Variants in CTNND2 observed in about 807,000 individuals in gnomAD.
The protein encoded by CTNND2 is catenin delta 2.
In CTNND2, 22 loss-of-function variants were observed where a neutral mutation model predicts 144.4. The ratio of observed to expected loss-of-function variants is 0.15; its 90% CI spans 0.11 to 0.22. CTNND2 has a LOEUF of 0.22. Ranked by LOEUF, CTNND2 falls within the 10% of genes least tolerant of loss-of-function variation. The pLI is 1.00. For synonymous variants in CTNND2, 751 were observed against 695.6 expected, an observed-to-expected ratio of 1.08 and a Z score of -1.25; for missense variants, 1,353 against 1,618.8, an observed-to-expected ratio of 0.84 and a Z score of 2.82.
chr5:11,172,680 C>T (rs879282608), intron 11 of CTNND2, among the ~76,000 whole-genome samples: 4 of 152,106 alleles, frequency 2.6e-5, no homozygotes, highest in Non-Finnish European at 5.9e-5. Flanking sequence ...ATGGAGAGCG[C>T]CAATGGGGAG....
At chr5:11,132,967 C>T (rs542680964) in intron 12 of CTNND2, among the ~76,000 whole-genome samples, 16 of 117,758 alleles carry the variant, frequency 1.4e-4, no homozygotes, top group African/African-American at 3.8e-4. Context: ...TTAGAAAATC[C>T]GGACTCCAGT....
chr5:11,633,518 C>T (rs1003948215), intron 2 of CTNND2, among the ~76,000 whole-genome samples: 14 of 152,210 alleles, frequency 9.2e-5, no homozygotes, highest in African/African-American at 2.9e-4. Flanking sequence ...TGGCTCATGC[C>T]GGTAATCCCT....
chr5:11,793,192 T>C (rs1447642205), intron 1 of CTNND2, among the ~76,000 whole-genome samples: 1 of 152,192 alleles, frequency 6.6e-6, no homozygotes, highest in African/African-American at 2.4e-5. Context: ...ACTCTTCACA[T>C]AGGCCCAACA....
intron 9 of CTNND2, among the ~76,000 whole-genome samples, chr5:11,307,594 T>C (rs1750378578): frequency 6.6e-6 from 1 of 152,174 alleles, no homozygotes. Context: ...GATCATCTTA[T>C]GCTCATTTTA....
Position 11,348,159 on chromosome 5 carries a change from A to G in CTNND2, c.1373-1532T>C, listed in dbSNP as rs148028023. Among the ~76,000 whole-genome samples the G allele has an allele frequency of 1.4e-4, 22 of 152,350 alleles. No homozygotes were observed. In the East Asian group the frequency reaches 3.7e-3, roughly 25 times the overall value. ...GGTTGTCCTGATGTGTTAAGTCTCA[A>G]AATAATCAGATTAGGCTAATAAACA... On this transcript the variant is annotated intron_variant, in intron 8 of 21. Transcript: ENST00000304623.
At chr5:11,323,179 C>CA (rs1752202147) in intron 9 of CTNND2, among the ~76,000 whole-genome samples, 1 of 147,560 alleles carries the variant, frequency 6.8e-6, no homozygotes, top group Non-Finnish European at 1.5e-5. Flanking sequence ...GCCAGGACTA[C>CA]AGTGTGCACC....
chr5:11,608,540 C>G (rs1229065975), intron 2 of CTNND2, among the ~76,000 whole-genome samples: 1 of 152,156 alleles, frequency 6.6e-6, no homozygotes, highest in Non-Finnish European at 1.5e-5. Flanking sequence ...AGAACAGCCT[C>G]TTTCCCCCTA....
intron 18 of CTNND2, among the ~76,000 whole-genome samples, chr5:11,015,135 G>T (rs1741474829): frequency 6.6e-6 from 1 of 152,184 alleles, no homozygotes; most frequent in Non-Finnish European, 1.5e-5. Context: ...ATAATTAAAA[G>T]ATATGGATCA....
At chr5:11,647,951 T>C (rs900285913) in intron 2 of CTNND2, among the ~76,000 whole-genome samples, 4 of 152,206 alleles carry the variant, frequency 2.6e-5, no homozygotes, top group Non-Finnish European at 4.4e-5. Context: ...CGGACAGACA[T>C]AGACAAAGGA....
chr5:11,117,592 C>A, intron 12 of CTNND2, 25 bp from the exon 13 acceptor site: 1 of 1,566,954 alleles, frequency 6.4e-7, no homozygotes, highest in Non-Finnish European at 8.8e-7. Context: ...GACACGTCAG[C>A]GATCTTCACG....
intron 3 of CTNND2, among the ~76,000 whole-genome samples, chr5:11,474,425 G>A (rs1223014117): frequency 6.6e-6 from 1 of 152,098 alleles, no homozygotes; most frequent in Admixed American, 6.5e-5. Flanking sequence ...AAGAATCAAG[G>A]TTTAAAAATG....
chr5:11,357,124 C>T (rs1423232707), intron 8 of CTNND2, among the ~76,000 whole-genome samples: 1 of 151,982 alleles, frequency 6.6e-6, no homozygotes, highest in Non-Finnish European at 1.5e-5. Context: ...ATGTTGGTTC[C>T]TCAAAAAATT....
chr5:11,871,295 C>T (rs1735097984), intron 1 of CTNND2, among the ~76,000 whole-genome samples: 1 of 152,158 alleles, frequency 6.6e-6, no homozygotes, highest in African/African-American at 2.4e-5. Context: ...GTTTACATGG[C>T]TTAGTCTGTA....
chr5:11,614,132 T>A (rs565725927), intron 2 of CTNND2, among the ~76,000 whole-genome samples: 1 of 152,360 alleles, frequency 6.6e-6, no homozygotes, highest in Non-Finnish European at 1.5e-5. Context: ...ATTTTGAAGG[T>A]AACTTGCTTC....
At chr5:11,596,184 G>T (rs2150147219) in intron 2 of CTNND2, among the ~76,000 whole-genome samples, 1 of 152,224 alleles carries the variant, frequency 6.6e-6, no homozygotes, top group Admixed American at 6.5e-5. Flanking sequence ...TAAATTTAAG[G>T]CACTGTCTTC....
intron 3 of CTNND2, among the ~76,000 whole-genome samples, chr5:11,496,820 C>T (rs1191132397): frequency 2.0e-5 from 3 of 152,114 alleles, no homozygotes; most frequent in Non-Finnish European, 4.4e-5. Flanking sequence ...TAAGGTTCTT[C>T]AACATCAAAG....
intron 2 of CTNND2, among the ~76,000 whole-genome samples, chr5:11,683,466 T>G (rs1450488305): frequency 6.6e-6 from 1 of 152,222 alleles, no homozygotes; most frequent in African/African-American, 2.4e-5. Flanking sequence ...TGATCCAGTA[T>G]AAAGACAATG....
intron 18 of CTNND2, among the ~76,000 whole-genome samples, chr5:10,993,844 T>C (rs1000444815): frequency 6.6e-6 from 1 of 152,162 alleles, no homozygotes; most frequent in Non-Finnish European, 1.5e-5. Flanking sequence ...GAAATGAGTA[T>C]GCATTTTGTT....
intron 18 of CTNND2, among the ~76,000 whole-genome samples, chr5:10,997,909 G>A (rs759968345): frequency 6.6e-6 from 1 of 152,190 alleles, no homozygotes; most frequent in Non-Finnish European, 1.5e-5. Flanking sequence ...CACAGCTGTA[G>A]GACTGGTTTC....
Sources: gnomAD v4.1 joint callset for allele counts (sites outside exome capture counted in the v4.1 genomes callset) on GRCh38, gnomAD v4.1.1 for gene constraint, MANE v1.5 for transcripts, NCBI Gene and HGNC (gene_info 2026-07-23, HGNC 2026-07-21) for gene names.